Variants in SNX29 observed in about 807,000 individuals in gnomAD.
SNX29 encodes sorting nexin 29.
A neutral mutation model predicts 102.1 loss-of-function variants in SNX29; 78 were observed. The observed-to-expected ratio is 0.76, with a 90% CI of 0.64 to 0.92. The LOEUF (loss-of-function observed/expected upper bound fraction) is 0.92, where lower values mean the gene tolerates loss of function less well. Among genes scored for constraint, SNX29 ranks in the 40% least tolerant of loss-of-function variants. SNX29 has a pLI of 0.00. For missense variants in SNX29, 1,280 were observed against 1,061.7 expected, an observed-to-expected ratio of 1.21 and a Z score of -2.86; for synonymous variants, 580 against 414.5, an observed-to-expected ratio of 1.40 and a Z score of -4.85.
At chr16:12,235,112 CTT>C (rs1444519442) in intron 14 of SNX29, among the ~76,000 whole-genome samples, 1 of 151,278 alleles carries the variant, frequency 6.6e-6, no homozygotes, top group Non-Finnish European at 1.5e-5. Flanking sequence ...TTTCATTTTT[CTT>C]TAACTTTTTC....
chr16:12,364,431 T>TC (rs1567482291), intron 16 of SNX29, among the ~76,000 whole-genome samples: 2 of 151,430 alleles, frequency 1.3e-5, no homozygotes, highest in African/African-American at 4.9e-5. Flanking sequence ...TTTTTTTTTT[T>TC]ACTGTGAGTA....
At chr16:12,125,606 T>TCTC (rs1491567746) in intron 11 of SNX29, among the ~76,000 whole-genome samples, 19 of 19,118 alleles carry the variant, frequency 9.9e-4, no homozygotes, top group East Asian at 4.6e-3. Flanking sequence ...GAGATCTCTC[T>TCTC]TTTTTTTTTT....
At chr16:12,393,392 T>TCATGCATGCATGCATGCATG (rs374651159) in intron 16 of SNX29, among the ~76,000 whole-genome samples, 2 of 141,910 alleles carry the variant, frequency 1.4e-5, no homozygotes, top group Non-Finnish European at 3.1e-5. Flanking sequence ...ATTCATTCAT[T>TCATGCATGCATGCATGCATG]CATGCATGCA....
chr16:12,294,211 T>A (rs777257444), intron 15 of SNX29, among the ~76,000 whole-genome samples: 10 of 152,196 alleles, frequency 6.6e-5, no homozygotes, highest in Non-Finnish European at 1.0e-4. Context: ...AATCATCATT[T>A]CCAATGTGTA....
intron 14 of SNX29, among the ~76,000 whole-genome samples, chr16:12,224,117 T>G (rs770055523): frequency 1.3e-5 from 2 of 152,232 alleles, no homozygotes; most frequent in East Asian, 1.9e-4. Flanking sequence ...GAACTCTTTT[T>G]CCTTTTGTTT....
At chr16:12,068,955 A>G (rs554112635) in intron 9 of SNX29, 102 bp from the exon 10 acceptor site, 4 of 1,091,160 alleles carry the variant, frequency 3.7e-6, no homozygotes, top group African/African-American at 1.6e-5. Context: ...TTCTTAGTCA[A>G]GTGATGTAGC....
At chr16:12,363,614 C>T (rs1461555117) in intron 16 of SNX29, among the ~76,000 whole-genome samples, 2 of 152,232 alleles carry the variant, frequency 1.3e-5, no homozygotes, top group Non-Finnish European at 2.9e-5. Flanking sequence ...GCACCATTCC[C>T]AGCATGTAGT....
At chr16:12,535,414 G>C (rs562395379) in intron 20 of SNX29, among the ~76,000 whole-genome samples, 284 of 152,338 alleles carry the variant, frequency 1.9e-3, no homozygotes, top group African/African-American at 6.5e-3. Flanking sequence ...GGGATTACAT[G>C]AGCCACTGCG....
At chr16:12,216,716 C>T (rs1297554917) in intron 14 of SNX29, among the ~76,000 whole-genome samples, 3 of 138,916 alleles carry the variant, frequency 2.2e-5, no homozygotes, top group Non-Finnish European at 4.7e-5. Flanking sequence ...GCCCTCCCCA[C>T]CCCACCCACC....
At chr16:12,073,153 TG>T (rs1429372327) in intron 10 of SNX29, among the ~76,000 whole-genome samples, 1 of 152,158 alleles carries the variant, frequency 6.6e-6, no homozygotes, top group African/African-American at 2.4e-5. Flanking sequence ...AAGGGTTTTT[TG>T]TGTCTCTATT....
chr16:12,274,099 C>T (rs961384594), intron 14 of SNX29, among the ~76,000 whole-genome samples: 7 of 152,140 alleles, frequency 4.6e-5, no homozygotes, highest in Admixed American at 1.3e-4. Flanking sequence ...TAGAATTCTT[C>T]CCTTCTTTAT....
At chr16:12,432,356 C>T (rs944492587) in intron 18 of SNX29, among the ~76,000 whole-genome samples, 1 of 152,132 alleles carries the variant, frequency 6.6e-6, no homozygotes, top group African/African-American at 2.4e-5. Context: ...TTTTTGGGGT[C>T]CAGGCTGTCA....
intron 13 of SNX29, among the ~76,000 whole-genome samples, chr16:12,170,295 G>A (rs914157031): frequency 1.8e-4 from 27 of 151,920 alleles, no homozygotes; most frequent in Middle Eastern, 3.2e-3. Flanking sequence ...GACAGGGAGC[G>A]GGTTCCTTAG....
At chr16:12,005,853 G>C (rs928493752) in intron 3 of SNX29, among the ~76,000 whole-genome samples, 1 of 152,162 alleles carries the variant, frequency 6.6e-6, no homozygotes, top group African/African-American at 2.4e-5. Context: ...ATATTCCACA[G>C]TCAGGAAAAA....
At chr16:12,563,999 C>T (rs894919463) in intron 20 of SNX29, among the ~76,000 whole-genome samples, 1 of 152,180 alleles carries the variant, frequency 6.6e-6, no homozygotes, top group African/African-American at 2.4e-5. Flanking sequence ...CCCTGCAGCA[C>T]CCTCTTCCCC....
chr16:12,573,655 ACT>A lies in SNX29; in HGVS notation c.*5027_*5028del. The A allele has an allele frequency of 4.5e-6, 1 of 222,224 alleles. No individual in the cohort carries two copies. Among genetic ancestry groups the A allele is most frequent in the East Asian group, 6.5e-5 (1 of 15,290 alleles). 13.8% of individuals were successfully genotyped at this position (222,224 alleles called of 1,614,324 possible). ...CGGCAAGGGGAACCACCACTCATTC[ACT>A]GTCAGTGTAGGTAAGACAGAGGATG... On this transcript the variant is annotated 3_prime_UTR_variant, in exon 21 of 21. Coordinates refer to ENST00000566228, the MANE Select transcript of SNX29 (RefSeq NM_032167.5).
At chr16:12,022,216 T>A (rs2057047952) in intron 3 of SNX29, among the ~76,000 whole-genome samples, 1 of 152,066 alleles carries the variant, frequency 6.6e-6, no homozygotes, top group African/African-American at 2.4e-5. Flanking sequence ...TTTTTTTTCT[T>A]TGAGGCAGAG....
chr16:12,116,954 A>C (rs376119235), intron 11 of SNX29, among the ~76,000 whole-genome samples: 122 of 119,076 alleles, frequency 1.0e-3, no homozygotes, highest in African/African-American at 1.7e-3. Context: ...TGGAAACAGG[A>C]GTGGTCAATA....
chr16:12,374,606 C>G (rs1009171797), intron 16 of SNX29: 1 of 152,112 alleles, frequency 6.6e-6, no homozygotes, highest in Admixed American at 6.6e-5. Context: ...TGATGCTAGC[C>G]CGGCTTTAAC....
Sources: gnomAD v4.1 joint callset for allele counts (sites outside exome capture counted in the v4.1 genomes callset) on GRCh38, gnomAD v4.1.1 for gene constraint, MANE v1.5 for transcripts, NCBI Gene and HGNC (gene_info 2026-07-23, HGNC 2026-07-21) for gene names.